Variants in COPZ1 observed in about 807,000 individuals in gnomAD.
The protein encoded by COPZ1 is coatomer subunit zeta-1.
Under a neutral mutation model 31.7 loss-of-function variants are expected in COPZ1, and 4 were observed. The ratio of observed to expected loss-of-function variants is 0.13; its 90% CI spans 0.06 to 0.29. The LOEUF is 0.29. COPZ1 is among the 10% of genes least tolerant of loss of function. The pLI is 1.00. For missense variants in COPZ1, 156 were observed against 211.5 expected, an observed-to-expected ratio of 0.74 and a Z score of 1.63; for synonymous variants, 74 against 79.0, an observed-to-expected ratio of 0.94 and a Z score of 0.33.
At chr12:54,329,784 A>C (rs1422222465) in intron 1 of COPZ1, among the ~76,000 whole-genome samples, 1 of 152,214 alleles carries the variant, frequency 6.6e-6, no homozygotes, top group Non-Finnish European at 1.5e-5. Flanking sequence ...TTAAAAAATC[A>C]GGCCATCCAA....
In COPZ1 at chr12:54,339,699, T is replaced by TA. The variant is rs113268391; in HGVS notation, c.19-847dup. 9.4e-3 allele frequency among the ~76,000 whole-genome samples: 1,438 copies of TA among 152,226 alleles called. 21 individuals carry two copies. Among genetic ancestry groups the TA allele is most frequent in the African/African-American group, 0.033 (1,367 of 41,528 alleles). Reference sequence around the variant, plus strand: ...CCACAGGTTTTGCAAGTGATATACTTACAGTTGAAGAAGAACCATTAAGAC... The same window carrying TA: ...CCACAGGTTTTGCAAGTGATATACTTAACAGTTGAAGAAGAACCATTAAGAC... On this transcript the variant is annotated intron_variant, in intron 1 of 8. Transcript: ENST00000262061.
In COPZ1 at chr12:54,350,674, A is replaced by G. The variant is rs1592213589; in HGVS notation, c.*151A>G. 1.5e-6 allele frequency: 1 copy of G among 675,746 alleles called. No homozygotes were observed. The highest frequency in any genetic ancestry group is 1.8e-5 in the African/African-American group (1 of 56,244). The allele number at this position is 675,746 out of a possible 1,614,324, so 41.9% of individuals were successfully genotyped here. On this transcript the variant is annotated 3_prime_UTR_variant, in exon 9 of 9. Coordinates refer to ENST00000262061, the MANE Select transcript of COPZ1 (RefSeq NM_016057.3). ...CATTCTGTTTGTGGTTGCCCCCTCA[A>G]CCTCCCCTACACCCTTCCTATTCTT...
intron 6 of COPZ1, 58 bp from the exon 7 acceptor site, chr12:54,347,942 G>A (rs1592211587): frequency 9.3e-6 from 15 of 1,605,910 alleles, no homozygotes; most frequent in Middle Eastern, 3.4e-4. Flanking sequence ...CCTGTTCCCC[G>A]ACAGTGAGTT....
At chr12:54,334,018 C>G (rs1953808601) in intron 1 of COPZ1, among the ~76,000 whole-genome samples, 1 of 151,964 alleles carries the variant, frequency 6.6e-6, no homozygotes, top group Non-Finnish European at 1.5e-5. Context: ...ATCGCTTGAG[C>G]CTGGGAGGTT....
At position 54,345,531 on chromosome 12, in the gene COPZ1, T is replaced by C. The variant is rs780674078; in HGVS notation, c.317+16T>C. The C allele has an allele frequency of 6.4e-6, 10 of 1,574,356 alleles. No homozygotes were observed. The highest frequency in any genetic ancestry group is 8.7e-6 in the Non-Finnish European group (10 of 1,146,844). ...AGATGCTGAGGTGAGCAGGACATTC[T>C]TTTTTTTCCCCTCAAGTTATGATGG... On this transcript the variant is annotated intron_variant, in intron 5 of 8. Coordinates refer to ENST00000262061, the MANE Select transcript of COPZ1 (RefSeq NM_016057.3).
chr12:54,328,860 G>A (rs1953706080), intron 1 of COPZ1, among the ~76,000 whole-genome samples: 1 of 152,206 alleles, frequency 6.6e-6, no homozygotes, highest in South Asian at 2.1e-4. Flanking sequence ...CATAGCTGCA[G>A]GATGTCGAGA....
At chr12:54,331,173 C>T (rs1175169573) in intron 1 of COPZ1, among the ~76,000 whole-genome samples, 8 of 80,276 alleles carry the variant, frequency 1.0e-4, no homozygotes, top group South Asian at 4.4e-4. Context: ...TTTTCACACT[C>T]TTTTTTTTTT....
In COPZ1 at chr12:54,325,195, G is replaced by C. The variant is rs765870988; in HGVS notation, c.18+14G>C. On this transcript the variant is annotated intron_variant, in intron 1 of 8. Transcript: ENST00000262061. Reference sequence around the variant, plus strand: ...GCGCTGATTTTGGTAGGAGCTGGAGGGGCAGCAGAGATGCTGTGGTGTCCA... The same window carrying C: ...GCGCTGATTTTGGTAGGAGCTGGAGCGGCAGCAGAGATGCTGTGGTGTCCA... The C allele has an allele frequency of 1.7e-5, 27 of 1,558,034 alleles. No homozygotes were observed. The highest frequency in any genetic ancestry group is 2.3e-5 in the Non-Finnish European group (26 of 1,151,420).
intron 1 of COPZ1, among the ~76,000 whole-genome samples, chr12:54,326,302 G>T (rs1012608637): frequency 2.0e-5 from 3 of 149,794 alleles, no homozygotes; most frequent in African/African-American, 7.4e-5. Flanking sequence ...ACCACTCCCG[G>T]CTAATTTTTT....
At chr12:54,329,572 C>G (rs1268331953) in intron 1 of COPZ1, among the ~76,000 whole-genome samples, 1 of 152,176 alleles carries the variant, frequency 6.6e-6, no homozygotes, top group Non-Finnish European at 1.5e-5. Context: ...AAGTGAAACT[C>G]TGTCTTAAAA....
intron 8 of COPZ1, chr12:54,349,905 G>T: frequency 1.7e-6 from 1 of 600,504 alleles, no homozygotes; most frequent in Non-Finnish European, 3.0e-6. Flanking sequence ...AACCCTCCCT[G>T]CCTGCCTGAT....
At chr12:54,336,769 A>C (rs901945531) in intron 1 of COPZ1, among the ~76,000 whole-genome samples, 1 of 151,854 alleles carries the variant, frequency 6.6e-6, no homozygotes, top group Non-Finnish European at 1.5e-5. Context: ...CACGCCTGTA[A>C]TCCCAGCACT....
At chr12:54,336,848 C>T (rs1344134949) in intron 1 of COPZ1, among the ~76,000 whole-genome samples, 1 of 151,618 alleles carries the variant, frequency 6.6e-6, no homozygotes, top group Non-Finnish European at 1.5e-5. Context: ...TTGGTGAAAC[C>T]CCGTCTCTAC....
intron 4 of COPZ1, among the ~76,000 whole-genome samples, chr12:54,344,267 A>G (rs1018030926): frequency 2.6e-5 from 4 of 152,020 alleles, no homozygotes; most frequent in South Asian, 2.1e-4. Context: ...GCTGGCCAAC[A>G]TGGCGAAATC....
chr12:54,340,449 G>T, intron 1 of COPZ1, 98 bp from the exon 2 acceptor site: 2 of 1,567,112 alleles, frequency 1.3e-6, no homozygotes, highest in South Asian at 2.4e-5. Context: ...AGGTACCTCT[G>T]TATCCCCTTG....
chr12:54,350,250 A>G lies in COPZ1; in HGVS notation c.487-226A>G. 4.2e-6 allele frequency: 3 copies of G among 708,382 alleles called. 1 individual carries two copies. The highest frequency in any genetic ancestry group is 7.7e-6 in the Non-Finnish European group (3 of 388,276). 43.9% of individuals were successfully genotyped at this position (708,382 alleles called of 1,614,324 possible). On this transcript the variant is annotated intron_variant, in intron 8 of 8. Transcript: ENST00000262061. The stretch of plus-strand genomic sequence containing the variant: ...TTTTTTTTTCTTTTATACCAGGTAT[A>G]CCTCTTCTCTCTTCATCCCCTCAGT...
At chr12:54,333,841 C>T (rs1270593579) in intron 1 of COPZ1, among the ~76,000 whole-genome samples, 1 of 152,150 alleles carries the variant, frequency 6.6e-6, no homozygotes, top group Non-Finnish European at 1.5e-5. Flanking sequence ...TTCTTTATAA[C>T]CAATATTTGG....
chr12:54,337,360 A>G, intron 1 of COPZ1: 1 of 525,842 alleles, frequency 1.9e-6, no homozygotes, highest in Non-Finnish European at 3.9e-6. Flanking sequence ...GACCTTTTAA[A>G]TTCTTTCAGT....
At chr12:54,348,443 A>G (rs181884700) in intron 7 of COPZ1, among the ~76,000 whole-genome samples, 6 of 152,344 alleles carry the variant, frequency 3.9e-5, no homozygotes, top group Non-Finnish European at 8.8e-5. Context: ...TTTGTCTTTT[A>G]AAGTGTTACA....
Sources: allele counts gnomAD v4.1 joint callset (sites outside exome capture counted in the v4.1 genomes callset), GRCh38; gene constraint gnomAD v4.1.1; transcripts MANE v1.5; gene names NCBI Gene and HGNC (gene_info 2026-07-23, HGNC 2026-07-21).